The following GMDS variants were observed in gnomAD, a reference collection of about 807,000 sequenced individuals.
The protein encoded by GMDS is GDP-mannose 4,6-dehydratase.
A neutral mutation model predicts 49.9 loss-of-function variants in GMDS; 20 were observed. The ratio of observed to expected loss-of-function variants is 0.40; its 90% confidence interval spans 0.28 to 0.58. The LOEUF (loss-of-function observed/expected upper bound fraction) is 0.58, where lower values mean the gene tolerates loss of function less well. GMDS is among the 20% of genes least tolerant of loss of function. The pLI, the probability that GMDS is intolerant of heterozygous loss-of-function variation, is 0.42. For missense variants in GMDS, 362 were observed against 481.4 expected, an observed-to-expected ratio of 0.75 and a Z score of 2.32; for synonymous variants, 177 against 178.6, an observed-to-expected ratio of 0.99 and a Z score of 0.07.
chr6:1,859,145 T>C (rs2113781530), intron 7 of GMDS, among the ~76,000 whole-genome samples: 2 of 152,320 alleles, frequency 1.3e-5, no homozygotes, highest in South Asian at 4.1e-4. Flanking sequence ...TTGCAGCTCT[T>C]GCTGACATCC....
chr6:2,189,290 G>A (rs1447901182), intron 1 of GMDS, among the ~76,000 whole-genome samples: 1 of 152,178 alleles, frequency 6.6e-6, no homozygotes, highest in Non-Finnish European at 1.5e-5. Flanking sequence ...GGTAGGAGTA[G>A]GTTGAGAGGA....
At chr6:1,835,419 T>C (rs1756879572) in intron 7 of GMDS, among the ~76,000 whole-genome samples, 1 of 152,154 alleles carries the variant, frequency 6.6e-6, no homozygotes, top group African/African-American at 2.4e-5. Context: ...GCAGCATTCT[T>C]TGTAGGGAGT....
At chr6:2,144,423 G>A (rs1016908781) in intron 1 of GMDS, among the ~76,000 whole-genome samples, 1 of 152,200 alleles carries the variant, frequency 6.6e-6, no homozygotes, top group Admixed American at 6.5e-5. Flanking sequence ...AGTCTTTAAT[G>A]GACTTCCAGG....
intron 8 of GMDS, among the ~76,000 whole-genome samples, chr6:1,737,689 C>T (rs1004601716): frequency 6.8e-6 from 1 of 147,640 alleles, no homozygotes; most frequent in Non-Finnish European, 1.5e-5. Context: ...TACACACATA[C>T]ATACACACAC....
intron 4 of GMDS, among the ~76,000 whole-genome samples, chr6:1,987,271 CCTTTTTTCAA>C (rs1469188713): frequency 3.1e-5 from 4 of 130,958 alleles, no homozygotes; most frequent in Non-Finnish European, 5.0e-5. Flanking sequence ...ATTTTTAAAA[CCTTTTTTCAA>C]CTTTTTTTTT....
At chr6:1,863,374 G>A (rs1581270038) in intron 7 of GMDS, among the ~76,000 whole-genome samples, 1 of 152,110 alleles carries the variant, frequency 6.6e-6, no homozygotes, top group East Asian at 1.9e-4. Flanking sequence ...AAGAAGGGTG[G>A]GAGTGGAAAC....
At chr6:2,058,435 G>A (rs925661146) in intron 4 of GMDS, among the ~76,000 whole-genome samples, 3 of 151,614 alleles carry the variant, frequency 2.0e-5, no homozygotes, top group South Asian at 2.1e-4. Flanking sequence ...CAGTACGAGC[G>A]GTATCTAGCA....
At chr6:1,886,371 T>A (rs916872862) in intron 7 of GMDS, among the ~76,000 whole-genome samples, 3 of 152,180 alleles carry the variant, frequency 2.0e-5, no homozygotes, top group African/African-American at 7.2e-5. Context: ...ATGTCACATA[T>A]CATAGATGGA....
intron 9 of GMDS, among the ~76,000 whole-genome samples, chr6:1,677,835 T>C (rs958879759): frequency 6.8e-6 from 1 of 147,110 alleles, no homozygotes; most frequent in Non-Finnish European, 1.5e-5. Flanking sequence ...TTAGGAGATA[T>C]ACCTAATGTA....
intron 4 of GMDS, among the ~76,000 whole-genome samples, chr6:2,101,849 T>C (rs183152233): frequency 6.6e-4 from 100 of 152,246 alleles, no homozygotes; most frequent in African/African-American, 2.3e-3. Context: ...AAAGTATCTA[T>C]ATATGTTTAA....
chr6:1,936,294 T>G (rs1252681847), intron 6 of GMDS, among the ~76,000 whole-genome samples: 6 of 152,170 alleles, frequency 3.9e-5, no homozygotes, highest in African/African-American at 1.2e-4. Context: ...CAGGCCTGCA[T>G]GGACCCTAAG....
At chr6:1,708,807 G>A (rs1354444737) in intron 9 of GMDS, among the ~76,000 whole-genome samples, 1 of 152,222 alleles carries the variant, frequency 6.6e-6, no homozygotes, top group Non-Finnish European at 1.5e-5. Flanking sequence ...TCTGTACGCT[G>A]CATCTCACAG....
chr6:1,700,093 T>C (rs1765492073), intron 9 of GMDS, among the ~76,000 whole-genome samples: 1 of 152,214 alleles, frequency 6.6e-6, no homozygotes, highest in Non-Finnish European at 1.5e-5. Context: ...CCAAAGTGTA[T>C]GAGCTCCCAC....
In GMDS at chr6:1,766,857, G is replaced by A. The variant is rs1000033165; in HGVS notation, c.772-24271C>T. Among the ~76,000 whole-genome samples the A allele has an allele frequency of 6.6e-6, 1 of 152,154 alleles. No homozygotes were observed. Among genetic ancestry groups the A allele is most frequent in the African/African-American group, 2.4e-5 (1 of 41,424 alleles). ...CTGGACTAAACAAAGCCTGGCAATG[G>A]GCCAGATCTGGTCAGCTAGGTCTCC... On this transcript the variant is annotated intron_variant, in intron 7 of 10. Transcript: ENST00000380815. The surrounding 1 kb of genome is among the most constrained non-coding windows in gnomAD (Gnocchi z 4.5).
At chr6:2,109,526 T>C (rs79993999) in intron 4 of GMDS, among the ~76,000 whole-genome samples, 4,259 of 152,294 alleles carry the variant, frequency 0.028, 93 homozygotes, top group South Asian at 0.092. Context: ...AAAGGCTAAG[T>C]GCCCTCTTAG....
At chr6:2,026,260 C>G (rs575669471) in intron 4 of GMDS, among the ~76,000 whole-genome samples, 1 of 152,290 alleles carries the variant, frequency 6.6e-6, no homozygotes, top group Non-Finnish European at 1.5e-5. Context: ...GCTTCTCTCA[C>G]TTCAAACTCA....
intron 4 of GMDS, among the ~76,000 whole-genome samples, chr6:1,996,058 C>G (rs938600330): frequency 6.6e-6 from 1 of 152,066 alleles, no homozygotes; most frequent in Admixed American, 6.5e-5. Flanking sequence ...ATAGCCTCTT[C>G]TTTTCTTTTC....
intron 9 of GMDS, among the ~76,000 whole-genome samples, chr6:1,711,643 C>T (rs766332231): frequency 2.6e-5 from 4 of 152,196 alleles, no homozygotes; most frequent in South Asian, 4.1e-4. Context: ...TTTTTGCACA[C>T]GTTATGTCTA....
chr6:1,655,014 TCACAC>T (rs1463817647), intron 9 of GMDS, among the ~76,000 whole-genome samples: 2 of 139,946 alleles, frequency 1.4e-5, no homozygotes, highest in Admixed American at 7.6e-5. Context: ...TGAGCCAAGA[TCACAC>T]CACTGCACTC....
Sources: gnomAD v4.1 joint callset for allele counts (sites outside exome capture counted in the v4.1 genomes callset) on GRCh38, gnomAD v4.1.1 for gene constraint, Gnocchi (gnomAD v3.1) non-coding constraint, MANE v1.5 for transcripts, NCBI Gene and HGNC (gene_info 2026-07-23, HGNC 2026-07-21) for gene names.